Variants in ABLIM1 observed in about 807,000 individuals in gnomAD.
The protein encoded by ABLIM1 is actin-binding LIM protein 1.
In ABLIM1, 40 loss-of-function variants were observed where a neutral mutation model predicts 107.0. The ratio of observed to expected loss-of-function variants is 0.37; its 90% confidence interval spans 0.29 to 0.49. The LOEUF (loss-of-function observed/expected upper bound fraction) is 0.49. Ranked by LOEUF, ABLIM1 falls within the 20% of genes least tolerant of loss-of-function variation. The pLI, the probability that ABLIM1 is intolerant of heterozygous loss-of-function variation, is 0.97. For missense variants in ABLIM1, 857 were observed against 1,008.5 expected (o/e 0.85, Z 2.04); for synonymous variants, 357 against 357.3 (o/e 1.00, Z 0.01).
intron 1 of ABLIM1, among the ~76,000 whole-genome samples, chr10:114,648,856 C>T (rs1309430838): frequency 6.6e-6 from 1 of 152,050 alleles, no homozygotes; most frequent in Non-Finnish European, 1.5e-5. Flanking sequence ...CTTGGATGGG[C>T]ATTTGTGTGG....
rs75084955 is a variant in ABLIM1 at position 114,759,128 on chromosome 10, T to G, written c.-213+8933A>C. Among the ~76,000 whole-genome samples the G allele has an allele frequency of 2.4e-3, 373 of 152,322 alleles. 15 individuals carry two copies. The East Asian group carries it at 0.06, about 25-fold the overall frequency. On this transcript the variant is annotated intron_variant, in intron 1 of 15. Transcript: ENST00000651092. ...ATGTTTATTTTAATGCAGGGTTCAA[T>G]AATACAAAGGCTTTTATAGGTTCAT...
At chr10:114,713,071 A>G (rs976778550) in intron 1 of ABLIM1, among the ~76,000 whole-genome samples, 1 of 152,216 alleles carries the variant, frequency 6.6e-6, no homozygotes, top group Non-Finnish European at 1.5e-5. Context: ...AAGAATATAC[A>G]TATTCTTGCC....
the ABLIM1 span, among the ~76,000 whole-genome samples, chr10:114,784,176 T>C: frequency 6.6e-6 from 1 of 150,444 alleles, no homozygotes; most frequent in Non-Finnish European, 1.5e-5. Context: ...CAAAACCCCA[T>C]CTCTACTAAA....
At chr10:114,674,867 C>A (rs2080412139) in intron 1 of ABLIM1, among the ~76,000 whole-genome samples, 1 of 152,034 alleles carries the variant, frequency 6.6e-6, no homozygotes, top group Non-Finnish European at 1.5e-5. Flanking sequence ...GATGGAAAAT[C>A]TTTAAAGATG....
intron 1 of ABLIM1, among the ~76,000 whole-genome samples, chr10:114,719,110 G>A (rs935094687): frequency 6.6e-6 from 1 of 152,184 alleles, no homozygotes; most frequent in Non-Finnish European, 1.5e-5. Flanking sequence ...GGAGGATAAT[G>A]TGAAGCCAAT....
chr10:114,522,633 C>T (rs1176359078), intron 6 of ABLIM1, among the ~76,000 whole-genome samples: 1 of 152,180 alleles, frequency 6.6e-6, no homozygotes, highest in Non-Finnish European at 1.5e-5. Flanking sequence ...TTTGCTTCAT[C>T]TAGTGTTTAT....
At chr10:114,653,965 C>T (rs973512549) in intron 1 of ABLIM1, among the ~76,000 whole-genome samples, 46 of 152,220 alleles carry the variant, frequency 3.0e-4, no homozygotes, top group Non-Finnish European at 1.3e-4. Context: ...TGGAGTCCAG[C>T]ACAACTCAAA....
At chr10:114,520,170 A>G (rs951374557) in intron 6 of ABLIM1, among the ~76,000 whole-genome samples, 1 of 152,200 alleles carries the variant, frequency 6.6e-6, no homozygotes, top group Admixed American at 6.5e-5. Context: ...CTCTATAGAC[A>G]GAAGTCTTAA....
Position 114,488,034 on chromosome 10 carries a change from A to G in ABLIM1, c.983-18T>C, listed in dbSNP as rs777434088. The G allele has an allele frequency of 6.8e-6, 11 of 1,613,922 alleles. No individual in the cohort carries two copies. Among genetic ancestry groups the G allele is most frequent in the Non-Finnish European group, 9.3e-6 (11 of 1,179,898 alleles). On this transcript the variant is annotated intron_variant, in intron 7 of 22. Transcript: ENST00000533213. ...GGTGGAGCCTGAGAAGACAGAATGC[A>G]CTACTAAGAGCCAGGAAAATGGAAA...
At chr10:114,449,843 G>A (rs1231076206) in intron 14 of ABLIM1, among the ~76,000 whole-genome samples, 1 of 152,138 alleles carries the variant, frequency 6.6e-6, no homozygotes, top group Non-Finnish European at 1.5e-5. Flanking sequence ...GGCATGGAAT[G>A]GCTGTTTTGC....
chr10:114,599,822 T>C (rs1397200327), intron 2 of ABLIM1, among the ~76,000 whole-genome samples: 1 of 150,774 alleles, frequency 6.6e-6, no homozygotes, highest in Non-Finnish European at 1.5e-5. Context: ...TAAAATAGAA[T>C]AAATAAAATA....
chr10:114,563,279 C>T (rs2070062973), intron 4 of ABLIM1, among the ~76,000 whole-genome samples: 2 of 152,156 alleles, frequency 1.3e-5, no homozygotes, highest in South Asian at 4.1e-4. Context: ...TCAATGAATA[C>T]TTAAAATGAG....
At chr10:114,784,348 A>G in the ABLIM1 span, among the ~76,000 whole-genome samples, 934 of 123,382 alleles carry the variant, frequency 7.6e-3, no homozygotes, top group African/African-American at 0.032. Context: ...TCTGTCTCAA[A>G]AAAAGAAAGA....
chr10:114,489,523 CA>C (rs1011593909), intron 7 of ABLIM1, among the ~76,000 whole-genome samples: 9 of 152,076 alleles, frequency 5.9e-5, no homozygotes, highest in African/African-American at 2.2e-4. Flanking sequence ...AATAAACAAA[CA>C]AAAAATTCAA....
intron 11 of ABLIM1, among the ~76,000 whole-genome samples, chr10:114,466,387 T>A (rs537913031): frequency 3.9e-5 from 6 of 152,268 alleles, no homozygotes; most frequent in African/African-American, 1.2e-4. Context: ...AGATAATAAT[T>A]CCAATGACCA....
chr10:114,770,613 T>C (rs1407444544), upstream of ABLIM1, among the ~76,000 whole-genome samples: 2 of 152,244 alleles, frequency 1.3e-5, no homozygotes, highest in Admixed American at 6.5e-5. Flanking sequence ...TCTGTGGCAT[T>C]TACTTTCAGA....
intron 1 of ABLIM1, among the ~76,000 whole-genome samples, chr10:114,712,746 C>T (rs808251): frequency 0.74 from 112,373 of 152,156 alleles, 41,785 homozygotes; most frequent in African/African-American, 0.81. Flanking sequence ...ATCTATGACA[C>T]GGGAATATTT....
chr10:114,708,296 A>T (rs1030478035), intron 1 of ABLIM1, among the ~76,000 whole-genome samples: 1 of 152,182 alleles, frequency 6.6e-6, no homozygotes, highest in African/African-American at 2.4e-5. Context: ...TCTGAAGGCC[A>T]TTATGAATCT....
At chr10:114,726,051 T>C (rs1456227627) in intron 1 of ABLIM1, among the ~76,000 whole-genome samples, 8 of 152,120 alleles carry the variant, frequency 5.3e-5, no homozygotes, top group Admixed American at 5.2e-4. Context: ...CCTGGCCTTG[T>C]GTGACTTGAG....
Sources: gnomAD v4.1 joint callset for allele counts (sites outside exome capture counted in the v4.1 genomes callset) on GRCh38, gnomAD v4.1.1 for gene constraint, MANE v1.5 for transcripts, NCBI Gene and HGNC (gene_info 2026-07-23, HGNC 2026-07-21) for gene names.